The following FBXW7 variants were observed in gnomAD, a reference collection of about 807,000 sequenced individuals.
FBXW7 encodes F-box/WD repeat-containing protein 7.
Under a neutral mutation model 86.3 loss-of-function variants are expected in FBXW7, and 11 were observed. The ratio of observed to expected loss-of-function variants is 0.13; its 90% CI spans 0.08 to 0.21. The LOEUF is 0.21. Ranked by LOEUF, FBXW7 falls within the 10% of genes least tolerant of loss-of-function variation. The pLI, the probability that FBXW7 is intolerant of heterozygous loss-of-function variation, is 1.00. For missense variants in FBXW7, 488 were observed against 847.4 expected, an observed-to-expected ratio of 0.58 and a Z score of 5.27; for synonymous variants, 313 against 297.9, an observed-to-expected ratio of 1.05 and a Z score of -0.52.
At chr4:152,523,839 C>A (rs899215329) in intron 2 of FBXW7, among the ~76,000 whole-genome samples, 3 of 152,112 alleles carry the variant, frequency 2.0e-5, no homozygotes, top group African/African-American at 7.2e-5. Context: ...TTTTGTCTCT[C>A]CTAACCAGAA....
intron 4 of FBXW7, among the ~76,000 whole-genome samples, chr4:152,396,986 T>C (rs760092118): frequency 9.9e-5 from 15 of 152,036 alleles, no homozygotes; most frequent in Non-Finnish European, 1.8e-4. Flanking sequence ...TTTGAAGAAA[T>C]AATTTAAGGT....
chr4:152,525,055 A>G (rs1036304239), intron 2 of FBXW7, among the ~76,000 whole-genome samples: 2 of 152,216 alleles, frequency 1.3e-5, no homozygotes, highest in African/African-American at 4.8e-5. Context: ...CTTCCCATCC[A>G]GGAACTCATT....
chr4:152,484,413 T>C (rs1745164147), intron 2 of FBXW7, among the ~76,000 whole-genome samples: 1 of 152,074 alleles, frequency 6.6e-6, no homozygotes, highest in South Asian at 2.1e-4. Context: ...CAGTATCTAC[T>C]TGAGGGGAAA....
intron 4 of FBXW7, among the ~76,000 whole-genome samples, chr4:152,394,210 T>C (rs1736229665): frequency 6.6e-6 from 1 of 152,122 alleles, no homozygotes; most frequent in African/African-American, 2.4e-5. Flanking sequence ...TTTTCTGTAG[T>C]ATCAAGCAGT....
chr4:152,369,494 G>A (rs1467232197), intron 4 of FBXW7, among the ~76,000 whole-genome samples: 1 of 152,000 alleles, frequency 6.6e-6, no homozygotes, highest in Non-Finnish European at 1.5e-5. Context: ...ATACATAGAT[G>A]GAAGAGATAA....
chr4:152,353,467 T>G (rs952199458), intron 4 of FBXW7, among the ~76,000 whole-genome samples: 1 of 152,194 alleles, frequency 6.6e-6, no homozygotes, highest in African/African-American at 2.4e-5. Context: ...GAAATTGCCA[T>G]ACACTTCATC....
intron 4 of FBXW7, among the ~76,000 whole-genome samples, chr4:152,375,855 A>G (rs1560822598): frequency 6.6e-6 from 1 of 152,130 alleles, no homozygotes; most frequent in East Asian, 1.9e-4. Context: ...TTGACCCAAT[A>G]AAACTACTTG....
rs1739706138 is a variant in FBXW7, at chr4:152,429,583, A to C, written c.-119-17054T>G. Among the ~76,000 whole-genome samples, 5 of 152,302 alleles carry C rather than the reference A, an allele frequency of 3.3e-5. No homozygotes were observed. In the South Asian group the frequency reaches 1.0e-3, roughly 32 times the overall value. On this transcript the variant is annotated intron_variant, in intron 2 of 13. Coordinates refer to ENST00000281708, the MANE Select transcript of FBXW7 (RefSeq NM_001349798.2). ...ACAGCAAGATACTAAGTATGCTGGAAGCCATGCTGGAAGACAGCTTGGCTT... is the reference window on the plus strand; with the variant it reads ...ACAGCAAGATACTAAGTATGCTGGACGCCATGCTGGAAGACAGCTTGGCTT...
intron 2 of FBXW7, among the ~76,000 whole-genome samples, chr4:152,504,548 C>G (rs886620618): frequency 1.3e-5 from 2 of 152,126 alleles, no homozygotes; most frequent in African/African-American, 4.8e-5. Context: ...GCTTCAAAGT[C>G]TACTACATTC....
intron 4 of FBXW7, among the ~76,000 whole-genome samples, chr4:152,367,578 T>C (rs547492973): frequency 6.6e-6 from 1 of 152,278 alleles, no homozygotes; most frequent in Non-Finnish European, 1.5e-5. Flanking sequence ...TTTGTGAATA[T>C]GCAAAATATG....
chr4:152,352,789 A>G, intron 4 of FBXW7: 1 of 1,594,006 alleles, frequency 6.3e-7, no homozygotes, highest in South Asian at 1.1e-5. Context: ...AACGGAGAAG[A>G]TTATTGGAGG....
chr4:152,332,505 C>A, intron 8 of FBXW7, 91 bp downstream of exon 8: 1 of 1,242,126 alleles, frequency 8.1e-7, no homozygotes, highest in Non-Finnish European at 1.1e-6. Context: ...TCATAAGTAG[C>A]TGAATATTAT....
At chr4:152,339,245 C>T (rs1730467869) in intron 6 of FBXW7, among the ~76,000 whole-genome samples, 1 of 152,150 alleles carries the variant, frequency 6.6e-6, no homozygotes, top group South Asian at 2.1e-4. Flanking sequence ...GTATCCAGAA[C>T]ATTCACCTTG....
At chr4:152,453,944 A>AT (rs1444823062) in intron 2 of FBXW7, among the ~76,000 whole-genome samples, 1 of 151,916 alleles carries the variant, frequency 6.6e-6, no homozygotes. Flanking sequence ...TCTTTTATTC[A>AT]TTTTTTCCAA....
At chr4:152,406,158 T>C (rs907720003) in intron 4 of FBXW7, among the ~76,000 whole-genome samples, 2 of 152,248 alleles carry the variant, frequency 1.3e-5, no homozygotes, top group Admixed American at 6.5e-5. Context: ...ATTTTGAAGA[T>C]AACTATTTGT....
intron 2 of FBXW7, among the ~76,000 whole-genome samples, chr4:152,422,769 T>A (rs1227226380): frequency 1.3e-5 from 2 of 152,204 alleles, no homozygotes; most frequent in Non-Finnish European, 2.9e-5. Flanking sequence ...TCCCTTCCTC[T>A]AAGTAACTCA....
intron 2 of FBXW7, among the ~76,000 whole-genome samples, chr4:152,496,748 C>T (rs918846287): frequency 1.3e-5 from 2 of 152,032 alleles, no homozygotes; most frequent in Non-Finnish European, 2.9e-5. Flanking sequence ...GACAACTATC[C>T]CCACTGTAAC....
intron 4 of FBXW7, among the ~76,000 whole-genome samples, chr4:152,381,810 T>C (rs756874594): frequency 2.6e-5 from 4 of 152,186 alleles, no homozygotes; most frequent in Admixed American, 6.5e-5. Flanking sequence ...TTTTAACGAA[T>C]GAAATGCTGT....
chr4:152,441,133 T>C (rs1740860217), intron 2 of FBXW7, among the ~76,000 whole-genome samples: 2 of 152,180 alleles, frequency 1.3e-5, no homozygotes, highest in Admixed American at 1.3e-4. Flanking sequence ...CGAACTTATA[T>C]GGCTAAGTAT....
Sources: gnomAD v4.1 joint callset for allele counts (sites outside exome capture counted in the v4.1 genomes callset) on GRCh38, gnomAD v4.1.1 for gene constraint, MANE v1.5 for transcripts, NCBI Gene and HGNC (gene_info 2026-07-23, HGNC 2026-07-21) for gene names.